INO80: variants seen among roughly 807,000 people sequenced by gnomAD.
The protein encoded by INO80 is chromatin-remodeling ATPase INO80.
INO80 carries 20 observed loss-of-function variants against 203.4 expected under a neutral mutation model. The observed-to-expected ratio is 0.10, with a 90% CI of 0.07 to 0.14. The LOEUF is 0.14. Ranked by LOEUF, INO80 falls within the 10% of genes least tolerant of loss-of-function variation. INO80 has a pLI of 1.00. For synonymous variants in INO80, 726 were observed against 685.2 expected (o/e 1.06, Z -0.93); for missense variants, 1,419 against 1,914.4 (o/e 0.74, Z 4.83).
At chr15:41,036,874 GC>G (rs1369209726) in intron 24 of INO80, among the ~76,000 whole-genome samples, 1 of 152,130 alleles carries the variant, frequency 6.6e-6, no homozygotes, top group Non-Finnish European at 1.5e-5. Flanking sequence ...TTGAGGTCAG[GC>G]CGGTTACTTG....
chr15:41,114,944 G>A lies in INO80; in HGVS notation c.-44+1029C>T, dbSNP rs374795155. 5.1e-4 allele frequency among the ~76,000 whole-genome samples: 78 copies of A among 152,240 alleles called. 1 individual carries two copies. The highest frequency in any genetic ancestry group is 1.8e-3 in the African/African-American group (73 of 41,554). ...TTTTAGGGTGATGAATTAAATAGTG[G>A]TTGATGGCTACAGAATTTAATAAAT... On this transcript the variant is annotated intron_variant, in intron 1 of 35. Coordinates refer to ENST00000648947, the MANE Select transcript of INO80 (RefSeq NM_017553.3).
rs1448551948 is a variant in INO80, at chr15:41,070,488, G to A, written c.1665C>T (p.Ala555=). Residue 555 remains alanine, a synonymous_variant, in exon 13 of 36, where the codon GCC becomes GCT. Transcript: ENST00000648947. ...CCACCTCAGCCAGATGGGCCAGAAGGGCAATGCTCTGTACTGTTTTACCAA... is the reference window on the plus strand; with the variant it reads ...CCACCTCAGCCAGATGGGCCAGAAGAGCAATGCTCTGTACTGTTTTACCAA... ...MGLGKTVQSI[A]LLAHLAEREN... is the part of the protein sequence containing the mutation. The A allele has an allele frequency of 4.3e-6, 7 of 1,613,878 alleles. No homozygotes were observed. Among genetic ancestry groups the A allele is most frequent in the Non-Finnish European group, 5.9e-6 (7 of 1,179,942 alleles).
In INO80 at chr15:41,092,116, G is replaced by C. The variant is rs1023773917; in HGVS notation, c.448C>G (p.Leu150Val). The change falls in exon 5 of 36, where the codon CTC (leucine) becomes GTC (valine). Residue 150 changes from leucine to valine, a missense_variant. Leu to Val is a conservative substitution (Grantham distance 32, BLOSUM62 1). Transcript: ENST00000648947. ...TGAAGTTCTTCTCTGCTGAGATTGA[G>C]TTCTTCTTCATCATCGTCTTCACTC... is the stretch of plus-strand genomic sequence containing the variant. ...SQSEDDDEEE[L>V]NLSREELHNM... 1 of 1,612,078 alleles carries C rather than the reference G, an allele frequency of 6.2e-7. No individual in the cohort carries two copies. Among genetic ancestry groups the C allele is most frequent in the Non-Finnish European group, 8.5e-7 (1 of 1,178,358 alleles).
chr15:41,008,564 C>G (rs1475148877), intron 27 of INO80, among the ~76,000 whole-genome samples: 1 of 152,114 alleles, frequency 6.6e-6, no homozygotes, highest in African/African-American at 2.4e-5. Flanking sequence ...CTAAGAGAGA[C>G]AATATCACAT....
chr15:40,982,057 C>T (rs1023259001), intron 35 of INO80, among the ~76,000 whole-genome samples: 42 of 152,218 alleles, frequency 2.8e-4, no homozygotes, highest in African/African-American at 9.9e-4. Context: ...TGTATTTTGC[C>T]GTGGATTGCT....
intron 26 of INO80, 66 bp from the exon 27 acceptor site, chr15:41,016,281 A>G (rs2044209743): frequency 6.7e-7 from 1 of 1,496,030 alleles, no homozygotes; most frequent in Non-Finnish European, 9.2e-7. Flanking sequence ...CACTCAATGC[A>G]AAGCTGTATG....
In INO80 at chr15:41,096,313, A is replaced by G. The variant is rs746996537; in HGVS notation, c.-3T>C. On this transcript the variant is annotated 5_prime_UTR_variant, in exon 2 of 36. Coordinates refer to ENST00000648947, the MANE Select transcript of INO80 (RefSeq NM_017553.3). ...CTGGCACCCAACTCCGAGGCCATAG[A>G]ACAAATCTGTCTTCATGCACAAGGA... The G allele has an allele frequency of 6.3e-7, 1 of 1,581,572 alleles. No homozygotes were observed. The highest frequency in any genetic ancestry group is 8.5e-7 in the Non-Finnish European group (1 of 1,170,564).
chr15:40,984,981 G>C (rs1893966613), intron 32 of INO80, among the ~76,000 whole-genome samples: 1 of 152,122 alleles, frequency 6.6e-6, no homozygotes, highest in Admixed American at 6.5e-5. Context: ...GCAGAATTAT[G>C]GTAGGTTTGT....
intron 1 of INO80, among the ~76,000 whole-genome samples, chr15:41,109,473 C>A (rs1566953028): frequency 1.3e-5 from 2 of 150,020 alleles, no homozygotes; most frequent in Non-Finnish European, 1.5e-5. Context: ...GAGTAATTGG[C>A]CACTGCCGTA....
At chr15:41,072,573 G>T (rs1177207890) in intron 11 of INO80, among the ~76,000 whole-genome samples, 2 of 148,776 alleles carry the variant, frequency 1.3e-5, no homozygotes, top group African/African-American at 2.5e-5. Context: ...AAAAAAATTA[G>T]CTGGGTGTGG....
intron 14 of INO80, among the ~76,000 whole-genome samples, chr15:41,067,170 G>A (rs1202129306): frequency 3.3e-5 from 5 of 152,008 alleles, no homozygotes; most frequent in South Asian, 2.1e-4. Context: ...TCTGCCCCCC[G>A]GGTTCAAGCA....
intron 27 of INO80, among the ~76,000 whole-genome samples, chr15:41,006,515 C>T (rs1393442355): frequency 6.6e-6 from 1 of 152,196 alleles, no homozygotes; most frequent in African/African-American, 2.4e-5. Flanking sequence ...CTAATCATTT[C>T]TACATTTGGG....
At chr15:41,104,722 T>G (rs2045859648) in intron 1 of INO80, among the ~76,000 whole-genome samples, 1 of 151,996 alleles carries the variant, frequency 6.6e-6, no homozygotes, top group Non-Finnish European at 1.5e-5. Context: ...TGTATTTTAG[T>G]AGAGACGAGG....
At chr15:41,041,382 T>C (rs1014673418) in intron 24 of INO80, among the ~76,000 whole-genome samples, 5 of 151,770 alleles carry the variant, frequency 3.3e-5, no homozygotes, top group African/African-American at 1.2e-4. Context: ...TGAGCCACGA[T>C]GCCTAGCCTC....
intron 6 of INO80, among the ~76,000 whole-genome samples, chr15:41,086,392 G>A (rs992342983): frequency 2.6e-5 from 4 of 152,064 alleles, no homozygotes; most frequent in East Asian, 1.9e-4. Context: ...GGCTCACGCC[G>A]GTAATCCCAG....
At chr15:41,093,621 T>C (rs2140661776) in intron 4 of INO80, among the ~76,000 whole-genome samples, 1 of 152,168 alleles carries the variant, frequency 6.6e-6, no homozygotes, top group African/African-American at 2.4e-5. Context: ...CCCAGCACTT[T>C]GAGAGGCTGA....
At chr15:41,012,947 T>C (rs2044153191) in intron 27 of INO80, 1 of 152,156 alleles carries the variant, frequency 6.6e-6, no homozygotes, top group South Asian at 2.1e-4. Flanking sequence ...ACTGTGCAAA[T>C]AGTAATGTCC....
chr15:41,058,980 C>T (rs1290368686), intron 15 of INO80, among the ~76,000 whole-genome samples, 199 bp from the exon 16 acceptor site: 2 of 152,040 alleles, frequency 1.3e-5, no homozygotes, highest in African/African-American at 2.4e-5. Context: ...TTGAGAGGGT[C>T]TCACTCCGTT....
chr15:41,090,925 CTTTTTTTT>C (rs60647460), intron 5 of INO80, among the ~76,000 whole-genome samples: 2 of 124,508 alleles, frequency 1.6e-5, no homozygotes, highest in Non-Finnish European at 3.4e-5. Flanking sequence ...TTTAGAAATT[CTTTTTTTT>C]TTTTTTTTTG....
Sources: gnomAD v4.1 joint callset for allele counts (sites outside exome capture counted in the v4.1 genomes callset) on GRCh38, gnomAD v4.1.1 for gene constraint, MANE v1.5 for transcripts, NCBI Gene and HGNC (gene_info 2026-07-23, HGNC 2026-07-21) for gene names.